CDH6: variants seen among roughly 807,000 people sequenced by gnomAD.
CDH6 encodes the protein cadherin 6.
Under a neutral mutation model 78.0 loss-of-function variants are expected in CDH6, and 31 were observed. That is an observed-to-expected ratio of 0.40 (90% CI 0.30 to 0.54). CDH6 has a LOEUF of 0.54. CDH6 is among the 20% of genes least tolerant of loss of function. The pLI is 0.56. For missense variants in CDH6, 724 were observed against 975.9 expected (o/e 0.74, Z 3.44); for synonymous variants, 376 against 368.8 (o/e 1.02, Z -0.23).
rs147369653 is a variant in CDH6 at position 31,323,345 on chromosome 5, A to G, written c.*37A>G. The G allele has an allele frequency of 5.0e-3, 7,838 of 1,581,462 alleles. 26 individuals carry two copies. Among genetic ancestry groups the G allele is most frequent in the Non-Finnish European group, 5.9e-3 (6,843 of 1,160,390 alleles). On this transcript the variant is annotated 3_prime_UTR_variant, in exon 12 of 12. Transcript: ENST00000265071. Reference sequence around the variant, plus strand: ...TTTCATTTTCCAATACGACACTGAAATATGTGAAGTGGCTATTTCTTTATA... The same window carrying G: ...TTTCATTTTCCAATACGACACTGAAGTATGTGAAGTGGCTATTTCTTTATA...
rs1235559466 is a variant in CDH6, at chr5:31,324,477, T to C, written c.*1169T>C. 1 of 213,030 alleles carries C rather than the reference T, an allele frequency of 4.7e-6. No homozygotes were observed. The allele number at this position is 213,030 out of a possible 1,614,324, so 13.2% of individuals were successfully genotyped here. A position where few individuals can be genotyped will look rare whatever the true frequency, so the allele number is the denominator to read the frequency against. On this transcript the variant is annotated 3_prime_UTR_variant, in exon 12 of 12. Transcript: ENST00000265071. ...TGGATAAACAACATTGAGATTATGA[T>C]GAAAACCTACATATTCCATGTTTGG...
At chr5:31,195,837 G>C (rs749000361) in intron 1 of CDH6, among the ~76,000 whole-genome samples, 22 of 152,170 alleles carry the variant, frequency 1.4e-4, no homozygotes, top group Non-Finnish European at 2.6e-4. Context: ...CTAATGTAAT[G>C]GTTCATGCCA....
At chr5:31,215,145 CACTT>C (rs1286488916) in intron 1 of CDH6, among the ~76,000 whole-genome samples, 1 of 152,178 alleles carries the variant, frequency 6.6e-6, no homozygotes, top group South Asian at 2.1e-4. Flanking sequence ...TTATTGAAAA[CACTT>C]AATTACTTTT....
chr5:31,235,426 C>T (rs1741430536), intron 1 of CDH6, among the ~76,000 whole-genome samples: 1 of 151,988 alleles, frequency 6.6e-6, no homozygotes, highest in African/African-American at 2.4e-5. Context: ...AGTTATATAG[C>T]TATCCTCCAT....
Position 31,237,395 on chromosome 5 carries a change from G to A in CDH6, c.-128-29951G>A, listed in dbSNP as rs115478306. On this transcript the variant is annotated intron_variant, in intron 1 of 11. Coordinates refer to ENST00000265071, the MANE Select transcript of CDH6 (RefSeq NM_004932.4). ...TCATATGGCGAACACTTTGAACCAC[G>A]CTATCCACAAGCTATTTATTTATTG... Among the ~76,000 whole-genome samples the A allele has an allele frequency of 2.8e-3, 425 of 152,142 alleles. 3 individuals are homozygous for A. The highest frequency in any genetic ancestry group is 9.5e-3 in the African/African-American group (393 of 41,520).
chr5:31,239,654 T>C (rs1270712165), intron 1 of CDH6, among the ~76,000 whole-genome samples: 1 of 152,216 alleles, frequency 6.6e-6, no homozygotes, highest in East Asian at 1.9e-4. Flanking sequence ...ATGTGTGACC[T>C]GCCAGCAGTG....
At chr5:31,310,990 A>G (rs944090482) in intron 7 of CDH6, among the ~76,000 whole-genome samples, 3 of 152,216 alleles carry the variant, frequency 2.0e-5, no homozygotes, top group Non-Finnish European at 2.9e-5. Context: ...TGTCCTGGCT[A>G]TTAACATTCG....
intron 1 of CDH6, among the ~76,000 whole-genome samples, chr5:31,239,502 T>A (rs2149918294): frequency 6.6e-6 from 1 of 152,318 alleles, no homozygotes; most frequent in East Asian, 1.9e-4. Context: ...ATTTATCTTA[T>A]TAGAAAACAC....
intron 1 of CDH6, among the ~76,000 whole-genome samples, chr5:31,242,580 G>T (rs78281458): frequency 6.6e-6 from 1 of 152,232 alleles, no homozygotes; most frequent in East Asian, 1.9e-4. Context: ...GCAGTGGCAG[G>T]ATCGTAGCAT....
At chr5:31,303,259 G>T (rs1028812037) in intron 6 of CDH6, among the ~76,000 whole-genome samples, 1 of 152,150 alleles carries the variant, frequency 6.6e-6, no homozygotes, top group Non-Finnish European at 1.5e-5. Flanking sequence ...AGTCTAGGGG[G>T]AAAGAGACAA....
intron 2 of CDH6, among the ~76,000 whole-genome samples, chr5:31,284,478 C>T (rs1409773127): frequency 6.6e-6 from 1 of 152,240 alleles, no homozygotes; most frequent in Non-Finnish European, 1.5e-5. Flanking sequence ...GTTTTTCCCA[C>T]TTGCCCTGGG....
In CDH6 at chr5:31,302,286, A is replaced by G. The variant is rs1387380881; in HGVS notation, c.987A>G (p.Ile329Met). The G allele has an allele frequency of 1.2e-6, 2 of 1,611,232 alleles. No homozygotes were observed. Among genetic ancestry groups the G allele is most frequent in the Non-Finnish European group, 1.7e-6 (2 of 1,177,824 alleles). The change falls in exon 6 of 12, where the codon ATA becomes ATG. Residue 329 changes from isoleucine to methionine, a missense_variant. Around this residue, in one of 3 missense-constraint regions of CDH6, gnomAD observed 446 missense variants for 684.5 expected, o/e 0.65. Coordinates refer to ENST00000265071, the MANE Select transcript of CDH6 (RefSeq NM_004932.4). ...ITDQETQEGI[I>M]TVKKLLDFEK... ...ACCAGGAAACCCAGGAAGGGATTAT[A>G]ACTGTCAAAAAGGTAATGCCGCTTC...
chr5:31,296,588 T>C (rs915050029), intron 3 of CDH6, among the ~76,000 whole-genome samples: 1 of 152,212 alleles, frequency 6.6e-6, no homozygotes, highest in Non-Finnish European at 1.5e-5. Flanking sequence ...TCAAGGTCTT[T>C]CAACCGTTTA....
At chr5:31,215,988 GT>G (rs532516529) in intron 1 of CDH6, among the ~76,000 whole-genome samples, 3 of 151,660 alleles carry the variant, frequency 2.0e-5, no homozygotes, top group Admixed American at 1.3e-4. Flanking sequence ...AGGCCCTTTG[GT>G]TTTTTTTCAA....
intron 2 of CDH6, among the ~76,000 whole-genome samples, chr5:31,268,450 C>T (rs1171915377): frequency 6.6e-6 from 1 of 152,170 alleles, no homozygotes; most frequent in Non-Finnish European, 1.5e-5. Context: ...AGGGAAACAG[C>T]TTGGTTAGCC....
chr5:31,194,225 G>A (rs1740099030), intron 1 of CDH6, among the ~76,000 whole-genome samples: 1 of 152,220 alleles, frequency 6.6e-6, no homozygotes, highest in Admixed American at 6.5e-5. Context: ...CTCTACGCCG[G>A]CAGAGGCTGC....
At chr5:31,283,494 T>C (rs76599232) in intron 2 of CDH6, among the ~76,000 whole-genome samples, 5,332 of 152,236 alleles carry the variant, frequency 0.035, 309 homozygotes, top group African/African-American at 0.12. Flanking sequence ...AATAGAATCA[T>C]AATGAGTAAC....
rs912782024 is a variant in CDH6, at chr5:31,325,376, A to G, written c.*2068A>G. The G allele has an allele frequency of 4.3e-6, 1 of 231,496 alleles. No individual in the cohort carries two copies. Among genetic ancestry groups the G allele is most frequent in the African/African-American group, 2.2e-5 (1 of 45,134 alleles). The allele number at this position is 231,496 out of a possible 1,614,324, so 14.3% of individuals were successfully genotyped here. Reference sequence around the variant, plus strand: ...CACACGAATGCAAACAAAAGGCTATATGAGGTCTTCACTCTAATGAATTGA... The same window carrying G: ...CACACGAATGCAAACAAAAGGCTATGTGAGGTCTTCACTCTAATGAATTGA... On this transcript the variant is annotated 3_prime_UTR_variant, in exon 12 of 12. Coordinates refer to ENST00000265071, the MANE Select transcript of CDH6 (RefSeq NM_004932.4).
At chr5:31,287,615 A>G (rs1743044180) in intron 2 of CDH6, among the ~76,000 whole-genome samples, 1 of 152,194 alleles carries the variant, frequency 6.6e-6, no homozygotes, top group Non-Finnish European at 1.5e-5. Context: ...CAGAGCATAA[A>G]TTTACACTCA....
Sources: allele counts gnomAD v4.1 joint callset (sites outside exome capture counted in the v4.1 genomes callset), GRCh38; gene constraint gnomAD v4.1.1; regional missense constraint gnomAD v4.1.1; transcripts MANE v1.5; gene names NCBI Gene and HGNC (gene_info 2026-07-23, HGNC 2026-07-21).